Variants in AZIN1 observed in about 807,000 individuals in gnomAD.
The protein encoded by AZIN1 is ornithine decarboxylase antizyme inhibitor.
AZIN1 carries 12 observed loss-of-function variants against 47.4 expected under a neutral mutation model. The ratio of observed to expected loss-of-function variants is 0.25; its 90% confidence interval spans 0.16 to 0.41. AZIN1 has a LOEUF of 0.41. Among genes scored for constraint, AZIN1 ranks in the 10% least tolerant of loss-of-function variants. The pLI, the probability that AZIN1 is intolerant of heterozygous loss-of-function variation, is 1.00. For missense variants in AZIN1, 410 were observed against 532.4 expected, an observed-to-expected ratio of 0.77 and a Z score of 2.26; for synonymous variants, 155 against 176.3, an observed-to-expected ratio of 0.88 and a Z score of 0.96.
intron 1 of AZIN1, among the ~76,000 whole-genome samples, chr8:102,863,511 A>T (rs1179732289): frequency 4.0e-5 from 6 of 150,172 alleles, no homozygotes; most frequent in Non-Finnish European, 8.9e-5. Flanking sequence ...CGGCGGCGAG[A>T]CCCCCGCGCG....
chr8:102,836,087 T>C (rs1018673366), intron 6 of AZIN1, among the ~76,000 whole-genome samples, 169 bp downstream of exon 6: 1 of 152,220 alleles, frequency 6.6e-6, no homozygotes, highest in Non-Finnish European at 1.5e-5. Context: ...ACAAGGCATA[T>C]TTAAGTTGTT....
chr8:102,846,719 C>A (rs188760795), intron 2 of AZIN1, among the ~76,000 whole-genome samples: 1 of 152,054 alleles, frequency 6.6e-6, no homozygotes, highest in Non-Finnish European at 1.5e-5. Flanking sequence ...ATCAACTAAC[C>A]CCTTTCAGAC....
rs1811216986 is a variant in AZIN1 at position 102,828,317 on chromosome 8, T to C, written c.*250A>G. 1 of 296,042 alleles carries C rather than the reference T, an allele frequency of 3.4e-6. No homozygotes were observed. Among genetic ancestry groups the C allele is most frequent in the African/African-American group, 2.2e-5 (1 of 45,910 alleles). The allele number at this position is 296,042 out of a possible 1,614,324, so 18.3% of individuals were successfully genotyped here. On this transcript the variant is annotated 3_prime_UTR_variant, in exon 12 of 12. Coordinates refer to ENST00000337198, the MANE Select transcript of AZIN1 (RefSeq NM_148174.4). Reference sequence around the variant, plus strand: ...AAGTCATCCATTTTGTTGCATATTTTATTTTAAACGCTTAAGGGGTAGGAC... The same window carrying C: ...AAGTCATCCATTTTGTTGCATATTTCATTTTAAACGCTTAAGGGGTAGGAC...
At chr8:102,834,364 C>A (rs1811681174) in intron 7 of AZIN1, 101 bp from the exon 8 acceptor site, 11 of 903,786 alleles carry the variant, frequency 1.2e-5, no homozygotes, top group Non-Finnish European at 1.9e-5. Flanking sequence ...CTGTTCTGAT[C>A]TTTAGTACAG....
At chr8:102,846,262 C>T (rs2131248731) in intron 2 of AZIN1, among the ~76,000 whole-genome samples, 1 of 152,256 alleles carries the variant, frequency 6.6e-6, no homozygotes, top group African/African-American at 2.4e-5. Context: ...ACATCAGGCC[C>T]ACTGGATCAA....
At position 102,858,023 on chromosome 8, in the gene AZIN1, T is replaced by A. The variant is rs1246701761; in HGVS notation, c.-106A>T. The A allele has an allele frequency of 2.5e-6, 1 of 398,898 alleles. No homozygotes were observed. Among genetic ancestry groups the A allele is most frequent in the African/African-American group, 2.1e-5 (1 of 48,626 alleles). The allele number at this position is 398,898 out of a possible 1,614,324, so 24.7% of individuals were successfully genotyped here. A position where few individuals can be genotyped will look rare whatever the true frequency, so the allele number is the denominator to read the frequency against. ...TGTGCAAATACTTACATGGACAAGT[T>A]GGGAGATGGAACCCCCCTATCATCA... On this transcript the variant is annotated 5_prime_UTR_variant, in exon 2 of 12. Coordinates refer to ENST00000337198, the MANE Select transcript of AZIN1 (RefSeq NM_148174.4).
At chr8:102,833,842 A>G (rs1270265037) in intron 8 of AZIN1, among the ~76,000 whole-genome samples, 1 of 144,360 alleles carries the variant, frequency 6.9e-6, no homozygotes, top group Non-Finnish European at 1.5e-5. Context: ...AGCTATAGTG[A>G]GCTATAATTG....
At chr8:102,840,058 A>G (rs1302746780) in intron 3 of AZIN1, among the ~76,000 whole-genome samples, 1 of 152,236 alleles carries the variant, frequency 6.6e-6, no homozygotes, top group Non-Finnish European at 1.5e-5. Context: ...ACACTAGCAT[A>G]TAAAATATTC....
rs1446732645 is a variant in AZIN1 at position 102,836,352 on chromosome 8, C to A, written c.488G>T (p.Gly163Val). Residue 163 changes from glycine (G) to valine (V), a missense_variant, in exon 6 of 12, where the codon GGT becomes GTT. Coordinates refer to ENST00000337198, the MANE Select transcript of AZIN1 (RefSeq NM_148174.4). ...GCCAAACTTCATGTTACCCTCTTCA[C>A]CTCCAATATTATCTTCTGTTGCAAT... ...LHIATEDNIG[G>V]EEGNMKFGTT... 1.2e-6 allele frequency: 2 copies of A among 1,613,692 alleles called. No individual in the cohort carries two copies. The highest frequency in any genetic ancestry group is 1.7e-6 in the Non-Finnish European group (2 of 1,179,732).
intron 7 of AZIN1, 119 bp downstream of exon 7, chr8:102,834,547 G>A: frequency 5.4e-6 from 4 of 740,548 alleles, no homozygotes; most frequent in Non-Finnish European, 8.9e-6. Flanking sequence ...TAATAAAAAT[G>A]AGGTGTGTGT....
At chr8:102,838,690 A>C in intron 5 of AZIN1, 54 bp downstream of exon 5, 2 of 1,470,604 alleles carry the variant, frequency 1.4e-6, no homozygotes, top group Admixed American at 2.0e-5. Context: ...CAAAAGACAA[A>C]CCCAACCCTC....
chr8:102,841,174 G>C (rs1396915587), intron 3 of AZIN1, among the ~76,000 whole-genome samples: 1 of 152,120 alleles, frequency 6.6e-6, no homozygotes, highest in East Asian at 1.9e-4. Context: ...TAAGTTAGGA[G>C]GTCACTATAA....
At chr8:102,863,151 G>A (rs1420931041) in intron 1 of AZIN1, among the ~76,000 whole-genome samples, 2 of 152,232 alleles carry the variant, frequency 1.3e-5, no homozygotes, top group Non-Finnish European at 2.9e-5. Flanking sequence ...CTGGCTACCT[G>A]ACACCGGGGC....
chr8:102,860,989 T>G (rs1813610854), intron 1 of AZIN1, among the ~76,000 whole-genome samples: 1 of 151,472 alleles, frequency 6.6e-6, no homozygotes, highest in Non-Finnish European at 1.5e-5. Context: ...ACATGACAAC[T>G]AAATACAATG....
intron 3 of AZIN1, among the ~76,000 whole-genome samples, chr8:102,841,806 A>ATT (rs1491402909): frequency 1.0e-5 from 1 of 97,956 alleles, no homozygotes; most frequent in South Asian, 3.2e-4. Flanking sequence ...ATATATATAT[A>ATT]AAAAAAAAAA....
intron 9 of AZIN1, among the ~76,000 whole-genome samples, chr8:102,831,204 G>C (rs1261079751): frequency 6.6e-6 from 1 of 151,958 alleles, no homozygotes; most frequent in Admixed American, 6.6e-5. Context: ...GGAAAAATAA[G>C]AGTAACAGAT....
Position 102,829,480 on chromosome 8 carries a change from T to C in AZIN1, c.1027A>G (p.Lys343Glu), listed in dbSNP as rs765633636. The stretch of plus-strand genomic sequence containing the variant: ...CTTGTAAACAGAGGCTCATCTTCCT[T>C]GTATTTCTGTAGGAAAAGTTTTACA... ...NTIPEVHKKY[K>E]EDEPLFTSSL... Residue 343 changes from lysine to glutamate, a missense_variant, in exon 11 of 12, where the codon AAG (lysine) becomes GAG (glutamate). Lys to Glu is a moderately conservative substitution (Grantham distance 56). Around this residue, in one of 3 missense-constraint regions of AZIN1, gnomAD observed 168 missense variants for 198.3 expected, o/e 0.85. Coordinates refer to ENST00000337198, the MANE Select transcript of AZIN1 (RefSeq NM_148174.4). 4.4e-6 allele frequency: 7 copies of C among 1,597,110 alleles called. No individual in the cohort carries two copies. In the East Asian group the frequency reaches 1.1e-4, roughly 25 times the overall value.
chr8:102,829,966 A>T, intron 9 of AZIN1, 30 bp from the exon 10 acceptor site: 1 of 1,397,694 alleles, frequency 7.2e-7, no homozygotes. Context: ...GGGAAAATGA[A>T]TTTTTAATAA....
intron 9 of AZIN1, among the ~76,000 whole-genome samples, chr8:102,831,668 A>C (rs189294672): frequency 6.7e-6 from 1 of 150,082 alleles, no homozygotes; most frequent in East Asian, 2.0e-4. Flanking sequence ...AAAAAATCAT[A>C]AGGCCAGGTG....
Sources: allele counts gnomAD v4.1 joint callset (sites outside exome capture counted in the v4.1 genomes callset), GRCh38; gene constraint gnomAD v4.1.1; regional missense constraint gnomAD v4.1.1; transcripts MANE v1.5; gene names NCBI Gene and HGNC (gene_info 2026-07-23, HGNC 2026-07-21).